MSRB2: variants seen among roughly 807,000 people sequenced by gnomAD.
MSRB2 encodes the protein methionine sulfoxide reductase B2.
A neutral mutation model predicts 19.0 loss-of-function variants in MSRB2; 17 were observed. The ratio of observed to expected loss-of-function variants is 0.89; its 90% CI spans 0.61 to 1.34. The LOEUF is 1.34. MSRB2 is among the 40% of genes most tolerant of loss of function. MSRB2 has a pLI of 0.00. For synonymous variants in MSRB2, 107 were observed against 99.7 expected (o/e 1.07, Z -0.44); for missense variants, 208 against 237.6 (o/e 0.88, Z 0.82).
At chr10:23,101,730 G>T (rs527971301) in intron 1 of MSRB2, among the ~76,000 whole-genome samples, 6 of 152,162 alleles carry the variant, frequency 3.9e-5, no homozygotes, top group Non-Finnish European at 8.8e-5. Context: ...GTAACTTTGA[G>T]TTTATAAGGA....
chr10:23,116,116 A>T (rs1011850218), intron 3 of MSRB2, among the ~76,000 whole-genome samples: 2 of 152,204 alleles, frequency 1.3e-5, no homozygotes, highest in South Asian at 2.1e-4. Flanking sequence ...AAAAAATATT[A>T]AAAAATAGCT....
At chr10:23,095,791 AC>A in intron 1 of MSRB2, 65 bp downstream of exon 1, 1 of 1,121,760 alleles carries the variant, frequency 8.9e-7, no homozygotes. Flanking sequence ...CACCGGCTGC[AC>A]CCGGGAGCCT....
At chr10:23,109,589 T>C (rs1299851846) in intron 2 of MSRB2, among the ~76,000 whole-genome samples, 1 of 152,104 alleles carries the variant, frequency 6.6e-6, no homozygotes, top group African/African-American at 2.4e-5. Context: ...TAAAAAATAT[T>C]GACTTGGCTA....
intron 1 of MSRB2, among the ~76,000 whole-genome samples, chr10:23,099,793 G>A (rs1170605181): frequency 2.0e-5 from 3 of 152,204 alleles, no homozygotes; most frequent in Non-Finnish European, 4.4e-5. Flanking sequence ...TCTCTAATAC[G>A]TGTAACAAAA....
chr10:23,119,687 T>G (rs1445789247), intron 4 of MSRB2, among the ~76,000 whole-genome samples: 2 of 152,186 alleles, frequency 1.3e-5, no homozygotes, highest in Non-Finnish European at 2.9e-5. Flanking sequence ...CACTGCAGCC[T>G]CCACCTCCTG....
At chr10:23,096,509 A>C (rs571193615) in intron 1 of MSRB2, among the ~76,000 whole-genome samples, 1 of 152,250 alleles carries the variant, frequency 6.6e-6, no homozygotes, top group South Asian at 2.1e-4. Flanking sequence ...TTAGTGCCCC[A>C]GGGGATTGGC....
At chr10:23,106,677 C>G (rs1478694081) in intron 2 of MSRB2, among the ~76,000 whole-genome samples, 1 of 152,222 alleles carries the variant, frequency 6.6e-6, no homozygotes, top group Non-Finnish European at 1.5e-5. Flanking sequence ...CAGGTGGCCC[C>G]TCTTGTAGGC....
chr10:23,100,565 A>G lies in MSRB2; in HGVS notation c.119-3579A>G, dbSNP rs377377119. Among the ~76,000 whole-genome samples the G allele has an allele frequency of 7.2e-5, 11 of 152,362 alleles. No individual in the cohort carries two copies. In the South Asian group the frequency reaches 1.7e-3, roughly 23 times the overall value. On this transcript the variant is annotated intron_variant, in intron 1 of 4. Transcript: ENST00000376510. ...CTCGGGAAACTTACAATCATGATGT[A>G]AGGTGAAGAGGAAGCAAGCACATAA... is the stretch of plus-strand genomic sequence containing the variant.
intron 1 of MSRB2, among the ~76,000 whole-genome samples, chr10:23,100,666 C>T (rs1328479891): frequency 3.3e-5 from 5 of 152,046 alleles, no homozygotes; most frequent in Non-Finnish European, 7.4e-5. Context: ...CCAGATCTCT[C>T]GATAACTCAC....
At chr10:23,113,413 T>A (rs1302427511) in intron 3 of MSRB2, among the ~76,000 whole-genome samples, 1 of 152,194 alleles carries the variant, frequency 6.6e-6, no homozygotes, top group African/African-American at 2.4e-5. Context: ...CTGCTTCAAA[T>A]TCCTATTAAT....
chr10:23,107,306 CA>C (rs1468560919), intron 2 of MSRB2, among the ~76,000 whole-genome samples: 1 of 152,224 alleles, frequency 6.6e-6, no homozygotes, highest in Admixed American at 6.5e-5. Context: ...GTGATCTAAC[CA>C]ACCCCATCTG....
intron 3 of MSRB2, among the ~76,000 whole-genome samples, chr10:23,111,709 C>T (rs549047996): frequency 6.6e-6 from 1 of 152,296 alleles, no homozygotes; most frequent in East Asian, 1.9e-4. Flanking sequence ...TGTATCTGGC[C>T]ATGTGGTAGC....
chr10:23,121,827 A>G lies in MSRB2; in HGVS notation c.*965A>G, dbSNP rs768705306. 2 of 152,226 alleles carry G rather than the reference A, an allele frequency of 1.3e-5. No homozygotes were observed. Among genetic ancestry groups the G allele is most frequent in the Admixed American group, 1.3e-4 (2 of 15,288 alleles). 9.4% of individuals were successfully genotyped at this position (152,226 alleles called of 1,614,324 possible). A position where few individuals can be genotyped will look rare whatever the true frequency, so the allele number is the denominator to read the frequency against. The stretch of plus-strand genomic sequence containing the variant: ...CTGGGAGCATATATGGTGATCAATC[A>G]GATGCATGACTTTTTTTTCAAAATT... On this transcript the variant is annotated 3_prime_UTR_variant, in exon 5 of 5. Coordinates refer to ENST00000376510, the MANE Select transcript of MSRB2 (RefSeq NM_012228.4).
intron 3 of MSRB2, 163 bp from the exon 4 acceptor site, chr10:23,119,141 T>C: frequency 1.2e-6 from 1 of 833,982 alleles, no homozygotes; most frequent in Non-Finnish European, 2.0e-6. Flanking sequence ...GAAGGTGCAG[T>C]GAGGACGATT....
At chr10:23,109,761 C>T (rs1472202703) in intron 2 of MSRB2, among the ~76,000 whole-genome samples, 2 of 152,070 alleles carry the variant, frequency 1.3e-5, no homozygotes, top group Non-Finnish European at 2.9e-5. Flanking sequence ...TATGCTGTGT[C>T]CTAAACATTA....
At chr10:23,096,352 C>CTCTGTGTGTG (rs144653384) in intron 1 of MSRB2, among the ~76,000 whole-genome samples, 7 of 142,830 alleles carry the variant, frequency 4.9e-5, no homozygotes, top group South Asian at 2.2e-4. Flanking sequence ...CTCTCTCTCT[C>CTCTGTGTGTG]TGTGTGTGTG....
At chr10:23,098,370 C>T (rs1481028911) in intron 1 of MSRB2, among the ~76,000 whole-genome samples, 1 of 152,140 alleles carries the variant, frequency 6.6e-6, no homozygotes, top group Non-Finnish European at 1.5e-5. Context: ...TCGAGGCCCA[C>T]CCCGTAGAAC....
intron 3 of MSRB2, among the ~76,000 whole-genome samples, chr10:23,112,077 A>G (rs1429954446): frequency 6.6e-6 from 1 of 152,200 alleles, no homozygotes; most frequent in Non-Finnish European, 1.5e-5. Context: ...AGCCAAGACT[A>G]ATAGGAAAAC....
intron 3 of MSRB2, among the ~76,000 whole-genome samples, chr10:23,115,875 T>G (rs1035189474): frequency 2.0e-5 from 3 of 152,218 alleles, no homozygotes; most frequent in African/African-American, 7.2e-5. Context: ...TTTATTGTAT[T>G]CATAATTCTC....
Sources: gnomAD v4.1 joint callset for allele counts (sites outside exome capture counted in the v4.1 genomes callset) on GRCh38, gnomAD v4.1.1 for gene constraint, MANE v1.5 for transcripts, NCBI Gene and HGNC (gene_info 2026-07-23, HGNC 2026-07-21) for gene names.